TRUB2: variants seen among roughly 807,000 people sequenced by gnomAD.
The protein encoded by TRUB2 is pseudouridylate synthase TRUB2, mitochondrial.
In TRUB2, 31 loss-of-function variants were observed where a neutral mutation model predicts 31.9. The observed-to-expected ratio is 0.97, with a 90% CI of 0.73 to 1.31. The LOEUF (loss-of-function observed/expected upper bound fraction) is 1.31. Among genes scored for constraint, TRUB2 ranks in the 50% most tolerant of loss-of-function variants. TRUB2 has a pLI of 0.00. For synonymous variants in TRUB2, 201 were observed against 182.6 expected (o/e 1.10, Z -0.81); for missense variants, 451 against 439.6 (o/e 1.03, Z -0.23).
At position 128,309,261 on chromosome 9, in the gene TRUB2, A is replaced by T; in HGVS notation, c.*289T>A. 1 of 422,114 alleles carries T rather than the reference A, an allele frequency of 2.4e-6. No homozygotes were observed. Among genetic ancestry groups the T allele is most frequent in the Non-Finnish European group, 4.3e-6 (1 of 230,464 alleles). 26.1% of individuals were successfully genotyped at this position (422,114 alleles called of 1,614,324 possible). On this transcript the variant is annotated 3_prime_UTR_variant, in exon 8 of 8. Coordinates refer to ENST00000372890, the MANE Select transcript of TRUB2 (RefSeq NM_015679.3). ...ACTACAACCTTAAACTCCTGGGCTC[A>T]AGCAATTCTCCTGCCTCAGCCTTGG...
intron 7 of TRUB2, 25 bp from the exon 8 acceptor site, chr9:128,309,900 CATG>C (rs772963612): frequency 2.6e-5 from 42 of 1,605,650 alleles, no homozygotes; most frequent in Non-Finnish European, 3.4e-5. Context: ...CAATGACAGA[CATG>C]GTGGTGAGAG....
intron 2 of TRUB2, among the ~76,000 whole-genome samples, chr9:128,319,410 G>T (rs1832124818): frequency 6.6e-6 from 1 of 151,744 alleles, no homozygotes; most frequent in Non-Finnish European, 1.5e-5. Flanking sequence ...AAGACTGCTT[G>T]AACTCAGGAG....
intron 2 of TRUB2, 126 bp downstream of exon 2, chr9:128,321,473 G>A: frequency 6.6e-7 from 1 of 1,508,228 alleles, no homozygotes; most frequent in Non-Finnish European, 9.0e-7. Flanking sequence ...CCAATTCCTG[G>A]TCTAATACCT....
chr9:128,309,795 C>G lies in TRUB2; in HGVS notation c.751G>C (p.Val251Leu). The change falls in exon 8 of 8, where the codon GTC (valine) becomes CTC (leucine). Residue 251 changes from valine to leucine, a missense_variant. Coordinates refer to ENST00000372890, the MANE Select transcript of TRUB2 (RefSeq NM_015679.3). ...CGCGTGCGCCGCACTTGGGTGCAGA[C>G]AGCAGTGGTCTTTAGTTCCAGGCCG... ...EIGLELKTTA[V>L]CTQVRRTRDG... 6.2e-7 allele frequency: 1 copy of G among 1,614,260 alleles called. No homozygotes were observed. The highest frequency in any genetic ancestry group is 8.5e-7 in the Non-Finnish European group (1 of 1,180,050).
intron 1 of TRUB2, 100 bp from the exon 2 acceptor site, chr9:128,321,830 A>G: frequency 7.7e-7 from 1 of 1,299,226 alleles, no homozygotes; most frequent in Non-Finnish European, 1.1e-6. Flanking sequence ...CCCAGGCTGA[A>G]GTGCAATGGC....
intron 2 of TRUB2, among the ~76,000 whole-genome samples, chr9:128,320,811 A>G (rs1459845291): frequency 6.7e-6 from 1 of 150,150 alleles, no homozygotes; most frequent in Non-Finnish European, 1.5e-5. Context: ...TTTTTTTGAG[A>G]CGGAGTCTCG....
At chr9:128,315,689 C>T in intron 3 of TRUB2, 61 bp from the exon 4 acceptor site, 2 of 1,546,934 alleles carry the variant, frequency 1.3e-6, no homozygotes, top group Non-Finnish European at 1.8e-6. Flanking sequence ...CTAAGTATCC[C>T]CACCCCTACC....
intron 3 of TRUB2, chr9:128,316,870 C>T (rs2131451646): frequency 2.5e-6 from 1 of 405,756 alleles, no homozygotes; most frequent in East Asian, 4.4e-5. Flanking sequence ...CATATAGTAT[C>T]TACCTAATAA....
intron 5 of TRUB2, among the ~76,000 whole-genome samples, chr9:128,313,003 G>A (rs1372065237): frequency 1.3e-5 from 2 of 150,984 alleles, no homozygotes; most frequent in African/African-American, 4.9e-5. Context: ...AATACCTGAG[G>A]TCAGGAGTTC....
chr9:128,305,276 A>G lies in TRUB2; in HGVS notation c.*4274T>C, dbSNP rs1490773534. Reference sequence around the variant, plus strand: ...CCCTTTGGCTGTGAAAGCCAAGATGAGTAGCCTGGGGGCCACGCCCCTCCC... The same window carrying G: ...CCCTTTGGCTGTGAAAGCCAAGATGGGTAGCCTGGGGGCCACGCCCCTCCC... On this transcript the variant is annotated 3_prime_UTR_variant, in exon 8 of 8. Transcript: ENST00000372890. The G allele has an allele frequency of 6.6e-6, 1 of 152,290 alleles. No homozygotes were observed. The highest frequency in any genetic ancestry group is 1.5e-5 in the Non-Finnish European group (1 of 68,074). The allele number at this position is 152,290 out of a possible 1,614,324, so 9.4% of individuals were successfully genotyped here.
chr9:128,322,357 G>A lies in TRUB2; in HGVS notation c.52C>T (p.Pro18Ser), dbSNP rs1330641285. ...RLHGLFAVYK[P>S]PGLKWKHLRD... ...AGGTGCTTCCATTTTAGCCCCGGGG[G>A]CTTATAGACCGCGAAAAGCCCATGC... is the stretch of plus-strand genomic sequence containing the variant. The change falls in exon 1 of 8, where the codon CCC becomes TCC. Residue 18 changes from proline (P) to serine (S), a missense_variant. By Grantham distance (74) the Pro-to-Ser change is moderately conservative. Transcript: ENST00000372890. 1.2e-6 allele frequency: 2 copies of A among 1,614,146 alleles called. No homozygotes were observed. The highest frequency in any genetic ancestry group is 1.7e-5 in the Admixed American group (1 of 60,002).
Position 128,308,046 on chromosome 9 carries a change from A to G in TRUB2, c.*1504T>C, listed in dbSNP as rs1831896572. ...GGAGTTCCAGACCAGCCTGGCCAAC[A>G]TGGTGAAACCCTGTCTCTACTAAAA... On this transcript the variant is annotated 3_prime_UTR_variant, in exon 8 of 8. Transcript: ENST00000372890. 1.3e-5 allele frequency: 2 copies of G among 152,110 alleles called. No homozygotes were observed. Among genetic ancestry groups the G allele is most frequent in the Admixed American group, 6.6e-5 (1 of 15,246 alleles). The allele number at this position is 152,110 out of a possible 1,614,324, so 9.4% of individuals were successfully genotyped here. A position where few individuals can be genotyped will look rare whatever the true frequency, so the allele number is the denominator to read the frequency against.
At chr9:128,317,055 C>T (rs1433032451) in intron 3 of TRUB2, 97 bp downstream of exon 3, 14 of 1,074,804 alleles carry the variant, frequency 1.3e-5, no homozygotes, top group East Asian at 5.2e-5. Context: ...AGTGGTGGGA[C>T]GTGGGTGCCA....
Position 128,310,970 on chromosome 9 carries a change from C to CCTCT in TRUB2, c.583_586dup (p.Gly196GlufsTer36). On this transcript the variant is annotated frameshift_variant, in exon 7 of 8. Coordinates refer to ENST00000372890, the MANE Select transcript of TRUB2 (RefSeq NM_015679.3). LOFTEE classifies it high-confidence loss of function. The stretch of plus-strand genomic sequence containing the variant: ...GGACTTGTTCATGGGCCGGATCAGG[C>CCTCT]CTCTCACGGCCATCTCATAGGCCTC... The CCTCT allele has an allele frequency of 6.2e-7, 1 of 1,614,246 alleles. No individual in the cohort carries two copies. Among genetic ancestry groups the CCTCT allele is most frequent in the Non-Finnish European group, 8.5e-7 (1 of 1,180,044 alleles).
At chr9:128,317,283 T>C (rs988123490) in intron 2 of TRUB2, 57 bp from the exon 3 acceptor site, 10 of 1,509,950 alleles carry the variant, frequency 6.6e-6, no homozygotes, top group Middle Eastern at 1.7e-4. Context: ...CAGGATGGCT[T>C]TGGGCTGCAT....
chr9:128,311,387 T>A, intron 6 of TRUB2, 142 bp downstream of exon 6: 1 of 871,134 alleles, frequency 1.1e-6, no homozygotes, highest in South Asian at 1.6e-5. Context: ...CATTTCTTAA[T>A]GCCAAGAAAG....
chr9:128,317,213 T>C lies in TRUB2; in HGVS notation c.255A>G (p.Ala85=), dbSNP rs753502272. 4.4e-6 allele frequency: 7 copies of C among 1,594,562 alleles called. No individual in the cohort carries two copies. The South Asian group carries it at 6.8e-5, about 16-fold the overall frequency. Residue 85 remains alanine (A), a synonymous_variant, in exon 3 of 8, where the codon GCA becomes GCG. Transcript: ENST00000372890. ...CCACGCCAACCTTGAGATGGGCGAA[T>C]GCTGGTCCACATACTGGAAAGAAAC... is the stretch of plus-strand genomic sequence containing the variant. The part of the protein sequence containing the change: ...FINHPLVCGP[A]FAHLKVGVGH...
chr9:128,317,234 GAAAC>G lies in TRUB2; in HGVS notation c.242-12_242-9del, dbSNP rs148938957. On this transcript the variant is annotated splice_polypyrimidine_tract_variant and intron_variant, in intron 2 of 7. Transcript: ENST00000372890. Reference sequence around the variant, plus strand: ...CGAATGCTGGTCCACATACTGGAAAGAAACAAACAAGGTCCATTTTCTCAACTAA... The same window carrying G: ...CGAATGCTGGTCCACATACTGGAAAGAAACAAGGTCCATTTTCTCAACTAA... The G allele has an allele frequency of 3.9e-3, 6,231 of 1,589,344 alleles. 262 individuals carry two copies. The East Asian group carries it at 0.1, about 25-fold the overall frequency.
chr9:128,309,467 C>T lies in TRUB2; in HGVS notation c.*83G>A. ...CTTACGTAGAAAAGGTGCCCCTGCT[C>T]TCACTTTCTGCACAGCTATCAGGTC... On this transcript the variant is annotated 3_prime_UTR_variant, in exon 8 of 8. Transcript: ENST00000372890. 6.9e-7 allele frequency: 1 copy of T among 1,442,292 alleles called. No individual in the cohort carries two copies. Among genetic ancestry groups the T allele is most frequent in the East Asian group, 2.3e-5 (1 of 43,588 alleles). 89.3% of individuals were successfully genotyped at this position (1,442,292 alleles called of 1,614,324 possible). A position where few individuals can be genotyped will look rare whatever the true frequency, so the allele number is the denominator to read the frequency against.
Sources: allele counts gnomAD v4.1 joint callset (sites outside exome capture counted in the v4.1 genomes callset), GRCh38; gene constraint gnomAD v4.1.1; transcripts MANE v1.5; gene names NCBI Gene and HGNC (gene_info 2026-07-23, HGNC 2026-07-21).